The following NFYC variants were observed in gnomAD, a reference collection of about 807,000 sequenced individuals.
The protein encoded by NFYC is CAAT box DNA-binding protein subunit C.
NFYC carries 25 observed loss-of-function variants against 53.1 expected under a neutral mutation model. The ratio of observed to expected loss-of-function variants is 0.47; its 90% CI spans 0.34 to 0.66. The LOEUF is 0.66. Among genes scored for constraint, NFYC ranks in the 30% least tolerant of loss-of-function variants. NFYC has a pLI of 0.01. For missense variants in NFYC, 260 were observed against 422.7 expected (o/e 0.62, Z 3.38); for synonymous variants, 145 against 152.6 (o/e 0.95, Z 0.37).
chr1:40,728,838 A>G (rs988052487), intron 1 of NFYC, among the ~76,000 whole-genome samples: 2 of 151,958 alleles, frequency 1.3e-5, no homozygotes, highest in Non-Finnish European at 2.9e-5. Flanking sequence ...GGGTTTCACT[A>G]TGTTGGCCAG....
At chr1:40,734,146 GT>G (rs1644906621) in intron 1 of NFYC, among the ~76,000 whole-genome samples, 1 of 152,090 alleles carries the variant, frequency 6.6e-6, no homozygotes, top group Non-Finnish European at 1.5e-5. Context: ...CTCCGGAGTT[GT>G]TGGGATTACA....
chr1:40,769,449 A>T, intron 9 of NFYC, 34 bp downstream of exon 9: 1 of 1,603,274 alleles, frequency 6.2e-7, no homozygotes, highest in African/African-American at 1.3e-5. Context: ...GCAGAGGGTG[A>T]GGATTTGCGG....
At chr1:40,734,755 C>T (rs1001626503) in intron 1 of NFYC, 2 of 152,164 alleles carry the variant, frequency 1.3e-5, no homozygotes, top group Non-Finnish European at 2.9e-5. Context: ...TAAAAGTACT[C>T]ACTTTTTCCA....
chr1:40,704,933 T>G (rs1643621717), intron 1 of NFYC, among the ~76,000 whole-genome samples: 1 of 152,246 alleles, frequency 6.6e-6, no homozygotes, highest in Non-Finnish European at 1.5e-5. Flanking sequence ...CAAAGTGGCT[T>G]CAGGGCCTTA....
intron 2 of NFYC, among the ~76,000 whole-genome samples, 185 bp from the exon 3 acceptor site, chr1:40,747,349 C>A (rs937797336): frequency 2.0e-5 from 3 of 151,586 alleles, no homozygotes; most frequent in Non-Finnish European, 2.9e-5. Context: ...TGAAGACCTG[C>A]ATATGTTAAG....
chr1:40,759,569 GTGTGTGTA>G (rs1418262662), intron 6 of NFYC, among the ~76,000 whole-genome samples: 4 of 150,662 alleles, frequency 2.7e-5, no homozygotes, highest in African/African-American at 7.3e-5. Flanking sequence ...ATGTGTGTGT[GTGTGTGTA>G]TGTGTGTGTG....
chr1:40,694,787 A>G (rs1179419063), intron 1 of NFYC, among the ~76,000 whole-genome samples: 1 of 152,222 alleles, frequency 6.6e-6, no homozygotes, highest in East Asian at 1.9e-4. Context: ...TTGAACTCTC[A>G]GGAAATCTCA....
In NFYC at chr1:40,714,067, A is replaced by C. The variant is rs569207649; in HGVS notation, c.-9+22200A>C. Among the ~76,000 whole-genome samples, 4 of 152,336 alleles carry C rather than the reference A, an allele frequency of 2.6e-5. 1 individual carries two copies. The South Asian group carries it at 8.3e-4, about 32-fold the overall frequency. On this transcript the variant is annotated intron_variant, in intron 1 of 9. Transcript: ENST00000447388. Reference sequence around the variant, plus strand: ...TATTCCAGAAAGCCAGGTTACTTTTATGCATTATGAGGAATTTAGGGTATA... The same window carrying C: ...TATTCCAGAAAGCCAGGTTACTTTTCTGCATTATGAGGAATTTAGGGTATA...
At chr1:40,695,938 G>A (rs1035189071) in intron 1 of NFYC, among the ~76,000 whole-genome samples, 2 of 151,712 alleles carry the variant, frequency 1.3e-5, no homozygotes, top group Non-Finnish European at 2.9e-5. Flanking sequence ...TCATTTTTAC[G>A]TGTGAGGAAA....
At chr1:40,733,013 C>A (rs1022843272) in intron 1 of NFYC, among the ~76,000 whole-genome samples, 16 of 78,060 alleles carry the variant, frequency 2.0e-4, no homozygotes, top group African/African-American at 6.6e-4. Flanking sequence ...GATTCGCCCC[C>A]CCCCCCTTTT....
chr1:40,724,790 C>T (rs964559946), intron 1 of NFYC, among the ~76,000 whole-genome samples: 1 of 150,656 alleles, frequency 6.6e-6, no homozygotes, highest in Non-Finnish European at 1.5e-5. Flanking sequence ...GTACTAGATA[C>T]CAAATAGAAA....
At chr1:40,711,835 A>G (rs1643938079) in intron 1 of NFYC, among the ~76,000 whole-genome samples, 2 of 152,180 alleles carry the variant, frequency 1.3e-5, no homozygotes, top group Non-Finnish European at 2.9e-5. Flanking sequence ...AGATATGGAC[A>G]TTTATTTACT....
At chr1:40,723,775 T>TC (rs1305506715) in intron 1 of NFYC, 1 of 152,094 alleles carries the variant, frequency 6.6e-6, no homozygotes, top group Non-Finnish European at 1.5e-5. Flanking sequence ...GCTCAAGCAG[T>TC]CCTCCCGCCT....
At chr1:40,743,030 TTAAACTAGCCA>T (rs1399697113) in intron 2 of NFYC, among the ~76,000 whole-genome samples, 7 of 152,214 alleles carry the variant, frequency 4.6e-5, no homozygotes, top group Non-Finnish European at 8.8e-5. Context: ...TTCCTTATGT[TTAAACTAGCCA>T]ATCATAAGTA....
chr1:40,697,161 G>C (rs1643193333), intron 1 of NFYC, among the ~76,000 whole-genome samples: 1 of 152,168 alleles, frequency 6.6e-6, no homozygotes. Flanking sequence ...TATGAGAAAT[G>C]AATATAATAG....
intron 1 of NFYC, among the ~76,000 whole-genome samples, chr1:40,715,471 G>A (rs1242291937): frequency 6.6e-6 from 1 of 151,330 alleles, no homozygotes; most frequent in Non-Finnish European, 1.5e-5. Context: ...TCGAACTCCT[G>A]GCCTCAAAGG....
intron 1 of NFYC, among the ~76,000 whole-genome samples, chr1:40,715,653 G>T (rs1644108057): frequency 6.6e-6 from 1 of 151,986 alleles, no homozygotes; most frequent in Non-Finnish European, 1.5e-5. Context: ...CTCCCTTAGG[G>T]ATCCCAAAGC....
In NFYC at chr1:40,730,101, C is replaced by A. The variant is rs149230957; in HGVS notation, c.-8-8735C>A. 7.2e-5 allele frequency among the ~76,000 whole-genome samples: 11 copies of A among 152,174 alleles called. No individual in the cohort carries two copies. The East Asian group carries it at 2.1e-3, about 29-fold the overall frequency. On this transcript the variant is annotated intron_variant, in intron 1 of 9. Transcript: ENST00000447388. ...AGTGTGGTGGCATGATCATAGCTCA[C>A]TGCTGCCCAAGTGATCCTCCCACCT...
rs139112893 is a variant in NFYC, at chr1:40,743,201, A to G, written c.105+4253A>G. ...TTTTGGTCTGCGTCCTGTAAAAGCA[A>G]TTTATCTTTCATTTTAGCTTGTTCT... On this transcript the variant is annotated intron_variant, in intron 2 of 9. Coordinates refer to ENST00000447388, the MANE Select transcript of NFYC (RefSeq NM_014223.5). 2.7e-3 allele frequency among the ~76,000 whole-genome samples: 414 copies of G among 152,346 alleles called. 1 individual carries two copies. The highest frequency in any genetic ancestry group is 9.5e-3 in the African/African-American group (394 of 41,584).
Sources: allele counts gnomAD v4.1 joint callset (sites outside exome capture counted in the v4.1 genomes callset), GRCh38; gene constraint gnomAD v4.1.1; transcripts MANE v1.5; gene names NCBI Gene and HGNC (gene_info 2026-07-23, HGNC 2026-07-21).